Variants in NPSR1 observed in about 807,000 individuals in gnomAD.
NPSR1 encodes neuropeptide S receptor 1.
A neutral mutation model predicts 46.9 loss-of-function variants in NPSR1; 48 were observed. That is an observed-to-expected ratio of 1.02 (90% CI 0.81 to 1.30). The LOEUF (loss-of-function observed/expected upper bound fraction) is 1.30, where lower values mean the gene tolerates loss of function less well. Among genes scored for constraint, NPSR1 ranks in the 50% most tolerant of loss-of-function variants. The probability of loss-of-function intolerance (pLI) is 0.00; values close to 1 mark genes in which losing one functional copy is unlikely to be tolerated. For missense variants in NPSR1, 450 were observed against 449.5 expected, an observed-to-expected ratio of 1.00 and a Z score of -0.01; for synonymous variants, 176 against 168.1, an observed-to-expected ratio of 1.05 and a Z score of -0.36.
At chr7:34,684,265 T>A (rs1471803431) in intron 1 of NPSR1, among the ~76,000 whole-genome samples, 1 of 152,358 alleles carries the variant, frequency 6.6e-6, no homozygotes, top group South Asian at 2.1e-4. Flanking sequence ...AGGGGTGTTC[T>A]TTTTCACATC....
intron 3 of NPSR1, among the ~76,000 whole-genome samples, chr7:34,804,449 A>G (rs1336782326): frequency 2.0e-5 from 3 of 152,156 alleles, no homozygotes; most frequent in Admixed American, 1.3e-4. Flanking sequence ...CAATGGACAC[A>G]GGAAAAGCAT....
At chr7:34,835,212 C>T (rs1467961829) in intron 6 of NPSR1, among the ~76,000 whole-genome samples, 1 of 152,184 alleles carries the variant, frequency 6.6e-6, no homozygotes, top group Non-Finnish European at 1.5e-5. Flanking sequence ...TGGCTCCGCT[C>T]AGCTTCCACA....
chr7:34,706,598 T>A (rs962836588), intron 2 of NPSR1, among the ~76,000 whole-genome samples: 2 of 152,148 alleles, frequency 1.3e-5, no homozygotes, highest in Non-Finnish European at 2.9e-5. Flanking sequence ...GCCTTTTTAT[T>A]TCTGTCAGCT....
intron 2 of NPSR1, among the ~76,000 whole-genome samples, chr7:34,732,722 G>C (rs1784482689): frequency 1.3e-4 from 20 of 152,124 alleles, no homozygotes; most frequent in Admixed American, 1.3e-3. Context: ...TTGAAAGGTA[G>C]GGTGTATAAC....
intron 2 of NPSR1, among the ~76,000 whole-genome samples, chr7:34,726,335 C>T (rs2893485): frequency 0.14 from 21,916 of 152,172 alleles, 2,083 homozygotes; most frequent in East Asian, 0.34. Flanking sequence ...TTTAGAATGG[C>T]CACCATCCAG....
At chr7:34,722,588 G>C (rs34655623) in intron 2 of NPSR1, among the ~76,000 whole-genome samples, 6 of 152,222 alleles carry the variant, frequency 3.9e-5, no homozygotes, top group African/African-American at 1.2e-4. Flanking sequence ...GATTTGTAAG[G>C]GTAGAGACAG....
At position 34,823,720 on chromosome 7, in the gene NPSR1, A is replaced by G. The variant is rs189608227; in HGVS notation, c.479-3681A>G. ...TGAGAAAAATAGATGAATATAAATT[A>G]TTTATAATAAAAAATGGAAAACAAC... is the stretch of plus-strand genomic sequence containing the variant. On this transcript the variant is annotated intron_variant, in intron 4 of 8. Coordinates refer to ENST00000360581, the MANE Select transcript of NPSR1 (RefSeq NM_207172.2). Among the ~76,000 whole-genome samples, 193 of 152,308 alleles carry G rather than the reference A, an allele frequency of 1.3e-3. 2 individuals carry two copies. The highest frequency in any genetic ancestry group is 7.7e-3 in the East Asian group (40 of 5,190).
chr7:34,671,521 C>T (rs1792056757), intron 1 of NPSR1, among the ~76,000 whole-genome samples: 1 of 152,148 alleles, frequency 6.6e-6, no homozygotes, highest in Non-Finnish European at 1.5e-5. Context: ...CCAGAGAGCA[C>T]ATTAAAGGAT....
rs1554301945 is a variant in NPSR1, at chr7:34,663,095, C to CA, written c.147+4536_147+4537insA. 1.1e-4 allele frequency among the ~76,000 whole-genome samples: 7 copies of CA among 65,070 alleles called. No homozygotes were observed. In the South Asian group the frequency reaches 3.4e-3, roughly 32 times the overall value. The allele number at this position is 65,070 out of a possible 152,430, so 42.7% of individuals were successfully genotyped here. ...TGTGTGTGTGTGTATGTGTGTGTGG[C>CA]GGGGGGGAGTGGGGGTAGAGGATGG... On this transcript the variant is annotated intron_variant, in intron 1 of 8. Transcript: ENST00000360581.
chr7:34,751,892 C>T (rs551267404), intron 2 of NPSR1: 25 of 1,524,486 alleles, frequency 1.6e-5, no homozygotes, highest in African/African-American at 1.5e-4. Context: ...CAAAGCCTTT[C>T]GGGACCGTCT....
In NPSR1 at chr7:34,811,863, G is replaced by C. The variant is rs200993440; in HGVS notation, c.478G>C (p.Glu160Gln). The change falls in exon 4 of 9, where the codon GAA becomes CAA. Residue 160 changes from glutamate (E) to glutamine (Q), a missense_variant and splice_region_variant. Physicochemically the swap from Glu to Gln is conservative, Grantham distance 29. Transcript: ENST00000360581. ...IVYPMKFLQG[E>Q]KQARVLIVIA... Reference sequence around the variant, plus strand: ...CTACCCCATGAAGTTCCTTCAAGGAGGTGAGCTGGCTTTACCAGGTGCTCT... The same window carrying C: ...CTACCCCATGAAGTTCCTTCAAGGACGTGAGCTGGCTTTACCAGGTGCTCT... The C allele has an allele frequency of 7.5e-6, 12 of 1,610,618 alleles. No homozygotes were observed. The highest frequency in any genetic ancestry group is 2.2e-5 in the South Asian group (2 of 90,758).
intron 3 of NPSR1, among the ~76,000 whole-genome samples, chr7:34,806,910 G>A (rs1788727981): frequency 6.6e-6 from 1 of 151,974 alleles, no homozygotes; most frequent in Admixed American, 6.6e-5. Context: ...CAGCATTTAA[G>A]TCTCACTTCT....
At chr7:34,755,224 C>T in intron 2 of NPSR1, among the ~76,000 whole-genome samples, 1 of 152,308 alleles carries the variant, frequency 6.6e-6, no homozygotes, top group Non-Finnish European at 1.5e-5. Context: ...CAGCAGTGTA[C>T]AAAGGTTTCA....
chr7:34,776,412 A>G (rs560985782), intron 2 of NPSR1, among the ~76,000 whole-genome samples: 2 of 152,230 alleles, frequency 1.3e-5, no homozygotes, highest in African/African-American at 4.8e-5. Context: ...TACAATTGTT[A>G]TATTCTCTTG....
At chr7:34,696,098 A>AAAC (rs70978572) in intron 2 of NPSR1, among the ~76,000 whole-genome samples, 1 of 146,404 alleles carries the variant, frequency 6.8e-6, no homozygotes, top group African/African-American at 2.5e-5. Flanking sequence ...AAAAAAAAAA[A>AAAC]CTGCGGTATA....
At chr7:34,805,345 A>C (rs1233104267) in intron 3 of NPSR1, among the ~76,000 whole-genome samples, 1 of 151,902 alleles carries the variant, frequency 6.6e-6, no homozygotes, top group Non-Finnish European at 1.5e-5. Flanking sequence ...AGATTGATGA[A>C]ACAGAACAGA....
intron 2 of NPSR1, among the ~76,000 whole-genome samples, chr7:34,688,370 C>T (rs1348842422): frequency 6.6e-6 from 1 of 152,148 alleles, no homozygotes; most frequent in Non-Finnish European, 1.5e-5. Context: ...ACAAGAGATC[C>T]ATCTATTGGC....
chr7:34,686,694 C>T (rs112815352), intron 2 of NPSR1, among the ~76,000 whole-genome samples: 2,166 of 151,828 alleles, frequency 0.014, 48 homozygotes, highest in African/African-American at 0.05. Context: ...TCTTTTTTTG[C>T]GGTTGTTTCA....
intron 1 of NPSR1, among the ~76,000 whole-genome samples, chr7:34,680,908 G>T (rs1792595171): frequency 6.6e-6 from 1 of 151,168 alleles, no homozygotes; most frequent in Non-Finnish European, 1.5e-5. Flanking sequence ...TTTTACATGG[G>T]GCACAGGAAG....
Sources: allele counts gnomAD v4.1 joint callset (sites outside exome capture counted in the v4.1 genomes callset), GRCh38; gene constraint gnomAD v4.1.1; transcripts MANE v1.5; gene names NCBI Gene and HGNC (gene_info 2026-07-23, HGNC 2026-07-21).